Variants in LPCAT2 observed in about 807,000 individuals in gnomAD.
LPCAT2 encodes the protein 1-AGP acyltransferase 11.
Under a neutral mutation model 64.7 loss-of-function variants are expected in LPCAT2, and 58 were observed. The observed-to-expected ratio is 0.90, with a 90% CI of 0.73 to 1.12. The LOEUF is 1.12. Among genes scored for constraint, LPCAT2 ranks in the 50% most tolerant of loss-of-function variants. LPCAT2 has a pLI of 0.00. For synonymous variants in LPCAT2, 252 were observed against 245.3 expected (o/e 1.03, Z -0.26); for missense variants, 579 against 669.8 (o/e 0.86, Z 1.50).
At chr16:55,549,938 C>T (rs888809499) in intron 10 of LPCAT2, among the ~76,000 whole-genome samples, 1 of 152,032 alleles carries the variant, frequency 6.6e-6, no homozygotes, top group African/African-American at 2.4e-5. Flanking sequence ...TTGAGCTTTT[C>T]GCTATAAAAG....
At chr16:55,534,302 CAAT>C in intron 6 of LPCAT2, 138 bp from the exon 7 acceptor site, 1 of 593,202 alleles carries the variant, frequency 1.7e-6, no homozygotes, top group South Asian at 2.1e-5. Context: ...TGTTCTTTAA[CAAT>C]AATGTATTTA....
chr16:55,510,651 G>A (rs1024136463), intron 1 of LPCAT2, among the ~76,000 whole-genome samples: 9 of 152,278 alleles, frequency 5.9e-5, no homozygotes, highest in African/African-American at 2.2e-4. Context: ...GAAGAGGGGT[G>A]TGAGAGAGGA....
At chr16:55,541,670 C>A (rs1963398583) in intron 8 of LPCAT2, 1 of 278,534 alleles carries the variant, frequency 3.6e-6, no homozygotes, top group Non-Finnish European at 7.1e-6. Context: ...TACTACCTAC[C>A]TGTATGTACT....
rs771158218 is a variant in LPCAT2, at chr16:55,545,818, G to C, written c.935+1G>C. ...ATAAAGTCCGGAATTTAATGGCAGA[G>C]TAAGTGTCTATATTTGATTATAACT... On this transcript the variant is annotated splice_donor_variant, in intron 9 of 13. Coordinates refer to ENST00000262134, the MANE Select transcript of LPCAT2 (RefSeq NM_017839.5). LOFTEE classifies it high-confidence loss of function. The C allele has an allele frequency of 6.3e-7, 1 of 1,599,358 alleles. No individual in the cohort carries two copies. Among genetic ancestry groups the C allele is most frequent in the South Asian group, 1.1e-5 (1 of 90,226 alleles).
chr16:55,526,827 TA>T (rs1460720428), intron 2 of LPCAT2, among the ~76,000 whole-genome samples: 5 of 152,246 alleles, frequency 3.3e-5, no homozygotes, highest in African/African-American at 1.2e-4. Flanking sequence ...AAGAAAGTTT[TA>T]CTTTTGTCAA....
At chr16:55,525,402 A>T (rs891643292) in intron 1 of LPCAT2, 106 bp from the exon 2 acceptor site, 2 of 921,628 alleles carry the variant, frequency 2.2e-6, no homozygotes, top group African/African-American at 1.7e-5. Context: ...TTCATCCTTG[A>T]CTGAATGCAT....
chr16:55,555,511 G>A (rs1963564348), intron 11 of LPCAT2, among the ~76,000 whole-genome samples: 1 of 151,998 alleles, frequency 6.6e-6, no homozygotes, highest in Non-Finnish European at 1.5e-5. Flanking sequence ...ATTTACTATT[G>A]GGAAAAAAAG....
chr16:55,561,166 A>G (rs1255429721), intron 11 of LPCAT2, among the ~76,000 whole-genome samples: 1 of 151,926 alleles, frequency 6.6e-6, no homozygotes, highest in African/African-American at 2.4e-5. Context: ...TTTATTGCCA[A>G]ATTGTATTCT....
intron 11 of LPCAT2, chr16:55,566,939 T>C (rs367628397): frequency 6.2e-7 from 1 of 1,613,806 alleles, no homozygotes; most frequent in Non-Finnish European, 8.5e-7. Context: ...CAGAACCGCC[T>C]CCCACTCAGC....
In LPCAT2 at chr16:55,545,745, T is replaced by G. The variant is rs1567399208; in HGVS notation, c.863T>G (p.Val288Gly). The G allele has an allele frequency of 6.2e-7, 1 of 1,611,832 alleles. No homozygotes were observed. The highest frequency in any genetic ancestry group is 2.2e-5 in the East Asian group (1 of 44,808). The change falls in exon 9 of 14, where the codon GTT becomes GGT. Residue 288 changes from valine to glycine, a missense_variant. Transcript: ENST00000262134. ...FTKVEVEFMPVQVPNDEEKND... is the reference protein window; with the variant it reads ...FTKVEVEFMPGQVPNDEEKND... The stretch of plus-strand genomic sequence containing the variant: ...ATATTTGTCTTTCAGTTTATGCCAG[T>G]TCAAGTACCAAATGATGAAGAAAAA...
intron 1 of LPCAT2, among the ~76,000 whole-genome samples, chr16:55,523,958 G>T (rs542335664): frequency 4.1e-4 from 63 of 151,848 alleles, no homozygotes; most frequent in African/African-American, 7.0e-4. Context: ...CAAATGCAAG[G>T]ATGTACAGCA....
At chr16:55,518,817 T>C (rs1322904730) in intron 1 of LPCAT2, among the ~76,000 whole-genome samples, 1 of 152,132 alleles carries the variant, frequency 6.6e-6, no homozygotes, top group African/African-American at 2.4e-5. Context: ...GTTAAAATCA[T>C]AAAATGCTTA....
chr16:55,531,800 A>ATTTTGT (rs1567394938), intron 4 of LPCAT2, 114 bp from the exon 5 acceptor site: 1 of 690,738 alleles, frequency 1.4e-6, no homozygotes, highest in Non-Finnish European at 2.6e-6. Flanking sequence ...TTAGCCTTTT[A>ATTTTGT]TTTTGTTTTT....
rs552789161 is a variant in LPCAT2, at chr16:55,548,118, G to A, written c.936-1159G>A. On this transcript the variant is annotated intron_variant, in intron 9 of 13. Coordinates refer to ENST00000262134, the MANE Select transcript of LPCAT2 (RefSeq NM_017839.5). ...ATTCATTCAAAATTTAATGTTTCTA[G>A]CAATGATTCAACAAAATCCAGTACA... 8.7e-4 allele frequency among the ~76,000 whole-genome samples: 133 copies of A among 152,188 alleles called. 1 individual carries two copies. Among genetic ancestry groups the A allele is most frequent in the Middle Eastern group, 6.8e-3 (2 of 294 alleles).
intron 11 of LPCAT2, among the ~76,000 whole-genome samples, chr16:55,557,727 G>A (rs1467612149): frequency 6.6e-6 from 1 of 151,966 alleles, no homozygotes; most frequent in Non-Finnish European, 1.5e-5. Context: ...TATTGTGGTT[G>A]GCATTTGGGG....
intron 11 of LPCAT2, 52 bp downstream of exon 11, chr16:55,551,154 G>A (rs778160050): frequency 1.4e-6 from 2 of 1,479,070 alleles, no homozygotes; most frequent in Non-Finnish European, 1.8e-6. Flanking sequence ...CCTACAGTGA[G>A]TAAATCAATA....
At chr16:55,545,282 G>T (rs1448509118) in intron 8 of LPCAT2, among the ~76,000 whole-genome samples, 2 of 151,898 alleles carry the variant, frequency 1.3e-5, no homozygotes, top group Non-Finnish European at 2.9e-5. Context: ...GTAAAAATAT[G>T]GTTGACATTA....
chr16:55,517,906 A>G (rs773882697), intron 1 of LPCAT2, among the ~76,000 whole-genome samples: 1 of 152,230 alleles, frequency 6.6e-6, no homozygotes, highest in Non-Finnish European at 1.5e-5. Context: ...TAAGACAAAG[A>G]TATCTACTCT....
intron 6 of LPCAT2, among the ~76,000 whole-genome samples, chr16:55,533,263 T>C (rs957210433): frequency 2.6e-5 from 4 of 152,198 alleles, no homozygotes; most frequent in South Asian, 2.1e-4. Context: ...TGAAGAAGTA[T>C]TGAAATAGCA....
Sources: gnomAD v4.1 joint callset for allele counts (sites outside exome capture counted in the v4.1 genomes callset) on GRCh38, gnomAD v4.1.1 for gene constraint, MANE v1.5 for transcripts, NCBI Gene and HGNC (gene_info 2026-07-23, HGNC 2026-07-21) for gene names.